The following MRNIP variants were observed in gnomAD, a reference collection of about 807,000 sequenced individuals.
MRNIP encodes the protein MRN complex-interacting protein.
A neutral mutation model predicts 29.8 loss-of-function variants in MRNIP; 30 were observed. The observed-to-expected ratio is 1.01, with a 90% CI of 0.75 to 1.36. MRNIP has a LOEUF of 1.36. MRNIP is among the 40% of genes most tolerant of loss of function. MRNIP has a pLI of 0.00. For synonymous variants in MRNIP, 201 were observed against 164.1 expected, an observed-to-expected ratio of 1.23 and a Z score of -1.72; for missense variants, 459 against 423.5, an observed-to-expected ratio of 1.08 and a Z score of -0.74.
chr5:179,841,045 C>T (rs905450456), intron 5 of MRNIP, 86 bp from the exon 6 acceptor site: 23 of 957,882 alleles, frequency 2.4e-5, no homozygotes, highest in East Asian at 1.3e-4. Context: ...CCCACAGGCT[C>T]GGGTGGCCAC....
intron 4 of MRNIP, among the ~76,000 whole-genome samples, chr5:179,842,479 G>A (rs1422099796): frequency 6.8e-6 from 1 of 146,254 alleles, no homozygotes; most frequent in Non-Finnish European, 1.5e-5. Context: ...AGGAGATCGA[G>A]ACCACCCTGG....
chr5:179,858,395 A>T (rs1050933844), intron 1 of MRNIP, among the ~76,000 whole-genome samples: 1 of 151,350 alleles, frequency 6.6e-6, no homozygotes. Flanking sequence ...GTCTCTAAGA[A>T]CCGTCCTCCC....
chr5:179,841,576 T>C (rs1221767087), intron 5 of MRNIP: 1 of 274,196 alleles, frequency 3.6e-6, no homozygotes, highest in Admixed American at 4.9e-5. Flanking sequence ...CTGAGGCCTC[T>C]GCTTCTCTGA....
At chr5:179,842,730 A>AAAAAAG (rs1758944564) in intron 4 of MRNIP, among the ~76,000 whole-genome samples, 1 of 119,028 alleles carries the variant, frequency 8.4e-6, no homozygotes, top group African/African-American at 3.1e-5. Context: ...AAAAAAAAAA[A>AAAAAAG]GAACAGAGGG....
Position 179,837,608 on chromosome 5 carries a change from G to A in MRNIP, c.815C>T (p.Ser272Leu), listed in dbSNP as rs1165114847. The A allele has an allele frequency of 2.2e-5, 35 of 1,614,102 alleles. No individual in the cohort carries two copies. Among genetic ancestry groups the A allele is most frequent in the Non-Finnish European group, 2.6e-5 (31 of 1,180,052 alleles). Residue 272 changes from serine (S) to leucine (L), a missense_variant, in exon 7 of 7, where the codon TCA (serine) becomes TTA (leucine). Ser to Leu is a moderately radical substitution (Grantham distance 145). Coordinates refer to ENST00000292586, the MANE Select transcript of MRNIP (RefSeq NM_016175.4). ...AKQGTPRAQA[S>L]REGLSRPTAA... ...AGTGGGCCTGCTGAGGCCTTCTCTT[G>A]AGGCCTGTGCTCTGGGGGTCCCTTG...
chr5:179,844,377 G>A (rs1430759417), intron 3 of MRNIP, 150 bp from the exon 4 acceptor site: 4 of 614,210 alleles, frequency 6.5e-6, no homozygotes, highest in Non-Finnish European at 8.7e-6. Flanking sequence ...ACACGGTGGT[G>A]CATACCTATA....
Position 179,837,466 on chromosome 5 carries a change from C to G in MRNIP, c.957G>C (p.Leu319=). The change falls in exon 7 of 7, where the codon CTG becomes CTC. Residue 319 remains leucine, a synonymous_variant. Coordinates refer to ENST00000292586, the MANE Select transcript of MRNIP (RefSeq NM_016175.4). ...TPWAEGGPLV[L]EAQNPRPTRL... ...GTGTGGGTCGAGGATTCTGTGCCTC[C>G]AGGACCAGGGGCCCACCCTCTGCCC... 6.2e-7 allele frequency: 1 copy of G among 1,613,732 alleles called. No homozygotes were observed. The highest frequency in any genetic ancestry group is 8.5e-7 in the Non-Finnish European group (1 of 1,179,716).
At chr5:179,858,432 A>G (rs1759695791) in intron 1 of MRNIP, among the ~76,000 whole-genome samples, 1 of 152,064 alleles carries the variant, frequency 6.6e-6, no homozygotes, top group African/African-American at 2.4e-5. Context: ...CGACAGCGCT[A>G]CTTCGTGGGG....
intron 2 of MRNIP, 185 bp downstream of exon 2, chr5:179,853,193 G>T: frequency 6.6e-7 from 1 of 1,522,436 alleles, no homozygotes; most frequent in Non-Finnish European, 8.8e-7. Context: ...TCAAATGGCA[G>T]TACCTTTCCA....
At chr5:179,840,786 C>T (rs1288471254) in intron 6 of MRNIP, 86 bp downstream of exon 6, 4 of 1,038,760 alleles carry the variant, frequency 3.9e-6, no homozygotes, top group Non-Finnish European at 5.9e-6. Context: ...AGGAATCGCA[C>T]ACTTCGTCAA....
chr5:179,858,788 C>G lies in MRNIP; in HGVS notation c.9G>C (p.Ser3=), dbSNP rs1204980768. The change falls in exon 1 of 7, where the codon TCG becomes TCC. Residue 3 remains serine, a synonymous_variant. Coordinates refer to ENST00000292586, the MANE Select transcript of MRNIP (RefSeq NM_016175.4). MA[S]LQRSRVLRCC... ...AGCGTAGCACCCGAGAACGCTGAAG[C>G]GACGCCATCCCTGCTTGTGCAGTCG... The G allele has an allele frequency of 1.3e-6, 2 of 1,540,536 alleles. No individual in the cohort carries two copies. Among genetic ancestry groups the G allele is most frequent in the Non-Finnish European group, 1.7e-6 (2 of 1,143,814 alleles).
At chr5:179,844,059 C>A in intron 4 of MRNIP, 93 bp downstream of exon 4, 1 of 1,029,590 alleles carries the variant, frequency 9.7e-7, no homozygotes, top group Non-Finnish European at 1.5e-6. Context: ...GTGGCATCAA[C>A]ACACATTTGC....
chr5:179,838,663 G>C (rs533671389), intron 6 of MRNIP: 1 of 151,684 alleles, frequency 6.6e-6, no homozygotes, highest in Non-Finnish European at 1.5e-5. Flanking sequence ...GCAACAGAGC[G>C]AACTCTGTCT....
chr5:179,857,552 T>A (rs1759646193), intron 1 of MRNIP, among the ~76,000 whole-genome samples: 1 of 152,194 alleles, frequency 6.6e-6, no homozygotes, highest in Non-Finnish European at 1.5e-5. Flanking sequence ...AATTTAAAAA[T>A]GCAAATGATC....
intron 6 of MRNIP, chr5:179,839,251 CA>C (rs35915208): frequency 4.3e-3 from 340 of 78,588 alleles, no homozygotes; most frequent in East Asian, 0.016. Context: ...AACTCCTACT[CA>C]AAAAAAAAAA....
At chr5:179,846,563 G>T (rs1157349271) in intron 3 of MRNIP, among the ~76,000 whole-genome samples, 1 of 152,116 alleles carries the variant, frequency 6.6e-6, no homozygotes, top group South Asian at 2.1e-4. Flanking sequence ...TTACAGGGGT[G>T]AGCCACCACA....
intron 2 of MRNIP, among the ~76,000 whole-genome samples, chr5:179,849,650 G>C (rs1173519996): frequency 6.7e-6 from 1 of 150,150 alleles, no homozygotes; most frequent in Non-Finnish European, 1.5e-5. Flanking sequence ...GATGGTAAGA[G>C]ATGGAATTTG....
chr5:179,841,840 C>T, intron 5 of MRNIP, 67 bp downstream of exon 5: 1 of 1,529,410 alleles, frequency 6.5e-7, no homozygotes, highest in Non-Finnish European at 8.9e-7. Context: ...CAGTGGCTCA[C>T]TGGTGCCCCA....
chr5:179,853,265 G>A (rs2113570368), intron 2 of MRNIP, 113 bp downstream of exon 2: 2 of 1,592,372 alleles, frequency 1.3e-6, no homozygotes, highest in Non-Finnish European at 1.7e-6. Flanking sequence ...GGAGCTCCGT[G>A]TCTGGGGAAC....
Sources: gnomAD v4.1 joint callset for allele counts (sites outside exome capture counted in the v4.1 genomes callset) on GRCh38, gnomAD v4.1.1 for gene constraint, MANE v1.5 for transcripts, NCBI Gene and HGNC (gene_info 2026-07-23, HGNC 2026-07-21) for gene names.